The following PRKCE variants were observed in gnomAD, a reference collection of about 807,000 sequenced individuals.
PRKCE encodes the protein protein kinase C epsilon, also known as protein kinase C epsilon type.
Under a neutral mutation model 85.4 loss-of-function variants are expected in PRKCE, and 16 were observed. The ratio of observed to expected loss-of-function variants is 0.19; its 90% CI spans 0.13 to 0.28. The LOEUF is 0.28. Ranked by LOEUF, PRKCE falls within the 10% of genes least tolerant of loss-of-function variation. The probability of loss-of-function intolerance (pLI) is 1.00; values close to 1 mark genes in which losing one functional copy is unlikely to be tolerated. For synonymous variants in PRKCE, 388 were observed against 371.5 expected (o/e 1.04, Z -0.51); for missense variants, 573 against 975.2 (o/e 0.59, Z 5.49).
At chr2:45,920,525 G>A (rs1698173837) in intron 2 of PRKCE, among the ~76,000 whole-genome samples, 3 of 152,190 alleles carry the variant, frequency 2.0e-5, no homozygotes, top group Admixed American at 2.0e-4. Context: ...ACTGCTGAAT[G>A]GATAAATAAA....
chr2:45,743,964 C>A (rs1420621095), intron 1 of PRKCE, among the ~76,000 whole-genome samples: 1 of 148,578 alleles, frequency 6.7e-6, no homozygotes, highest in Non-Finnish European at 1.5e-5. Flanking sequence ...CTCCCGGGAG[C>A]TAAGTAGATT....
At chr2:45,817,925 C>T (rs1047486114) in intron 1 of PRKCE, among the ~76,000 whole-genome samples, 7 of 152,164 alleles carry the variant, frequency 4.6e-5, no homozygotes, top group Admixed American at 2.0e-4. Flanking sequence ...AGCTACAGGC[C>T]GAGTTTCCTC....
rs186877238 is a variant in PRKCE, at chr2:46,001,973, G to C, written c.966+427G>C. Among the ~76,000 whole-genome samples the C allele has an allele frequency of 8.9e-4, 136 of 152,298 alleles. No homozygotes were observed. The highest frequency in any genetic ancestry group is 1.5e-3 in the Non-Finnish European group (104 of 68,026). ...AACTGGAACCACATTCTTTTCTAGGGAGGAAGCCAAGATGATTTGTGATCA... is the reference window on the plus strand; with the variant it reads ...AACTGGAACCACATTCTTTTCTAGGCAGGAAGCCAAGATGATTTGTGATCA... On this transcript the variant is annotated intron_variant, in intron 7 of 14. Transcript: ENST00000306156. This position sits in a 1 kb window ranked among gnomAD's most constrained non-coding sequence, Gnocchi z 4.4.
intron 2 of PRKCE, among the ~76,000 whole-genome samples, chr2:45,948,152 C>T (rs1455870265): frequency 1.3e-5 from 2 of 152,178 alleles, no homozygotes; most frequent in Non-Finnish European, 2.9e-5. Flanking sequence ...GTTCATGTTA[C>T]ATCTTCAAAT....
chr2:46,046,215 C>T (rs1708513453), intron 10 of PRKCE, among the ~76,000 whole-genome samples: 1 of 152,240 alleles, frequency 6.6e-6, no homozygotes, highest in Admixed American at 6.5e-5. Flanking sequence ...GATCAGCTGC[C>T]ATCCTTTGTT....
chr2:46,074,443 A>AC (rs1553338779), intron 10 of PRKCE, among the ~76,000 whole-genome samples: 1 of 151,060 alleles, frequency 6.6e-6, no homozygotes, highest in Admixed American at 6.6e-5. Context: ...AAAAAAAAAA[A>AC]AAAAAGAAAA....
intron 1 of PRKCE, among the ~76,000 whole-genome samples, chr2:45,666,312 T>A (rs145397599): frequency 0.011 from 1,643 of 152,142 alleles, 24 homozygotes; most frequent in African/African-American, 0.037. Flanking sequence ...GTGGGGATCA[T>A]GGCACTAAAT....
chr2:46,162,096 T>G (rs1212173528), intron 14 of PRKCE, among the ~76,000 whole-genome samples: 1 of 152,042 alleles, frequency 6.6e-6, no homozygotes, highest in African/African-American at 2.4e-5. Flanking sequence ...AGGGAGCCCC[T>G]TAAAGCTCTC....
At chr2:45,759,585 C>T (rs116676124) in intron 1 of PRKCE, among the ~76,000 whole-genome samples, 1,846 of 152,292 alleles carry the variant, frequency 0.012, 36 homozygotes, top group African/African-American at 0.042. Flanking sequence ...CAATTAGCGC[C>T]ATCTCCTTAA....
chr2:45,884,580 C>G (rs1695106050), intron 2 of PRKCE, among the ~76,000 whole-genome samples: 1 of 152,138 alleles, frequency 6.6e-6, no homozygotes, highest in South Asian at 2.1e-4. Flanking sequence ...TAAAGGGAGG[C>G]AGCACATGCC....
intron 11 of PRKCE, among the ~76,000 whole-genome samples, chr2:46,117,925 T>C (rs1672938256): frequency 6.6e-6 from 1 of 152,182 alleles, no homozygotes; most frequent in Non-Finnish European, 1.5e-5. Flanking sequence ...TCATCTGAGG[T>C]AACTCCAAGA....
At chr2:45,965,349 A>T (rs780997610) in intron 2 of PRKCE, among the ~76,000 whole-genome samples, 3 of 152,276 alleles carry the variant, frequency 2.0e-5, no homozygotes, top group Admixed American at 6.5e-5. Context: ...TTACAAAATA[A>T]AAGGCACGGC....
At chr2:45,978,688 T>C in intron 3 of PRKCE, 1 of 341,646 alleles carries the variant, frequency 2.9e-6, no homozygotes, top group Non-Finnish European at 5.3e-6. Flanking sequence ...GGGTCGTTTG[T>C]GGCTTTCCAG....
At chr2:45,950,929 T>C (rs1221612079) in intron 2 of PRKCE, among the ~76,000 whole-genome samples, 1 of 152,136 alleles carries the variant, frequency 6.6e-6, no homozygotes, top group Non-Finnish European at 1.5e-5. Flanking sequence ...CTTTGACTTA[T>C]CTCTGCCCAC....
chr2:45,783,227 C>A (rs1295511149), intron 1 of PRKCE, among the ~76,000 whole-genome samples: 2 of 152,158 alleles, frequency 1.3e-5, no homozygotes, highest in African/African-American at 4.8e-5. Flanking sequence ...CTCAAAACTC[C>A]CTTTGTTCCC....
chr2:45,954,080 C>G (rs1169670789), intron 2 of PRKCE, among the ~76,000 whole-genome samples: 3 of 152,200 alleles, frequency 2.0e-5, no homozygotes, highest in Non-Finnish European at 4.4e-5. Context: ...TATAAATCTA[C>G]TGGCCAGTTC....
chr2:45,866,315 T>C (rs1029532604), intron 2 of PRKCE, among the ~76,000 whole-genome samples: 4 of 152,126 alleles, frequency 2.6e-5, no homozygotes. Context: ...TGATTTTTAT[T>C]TATTTATTTT....
At chr2:45,755,705 C>T (rs1683946325) in intron 1 of PRKCE, among the ~76,000 whole-genome samples, 1 of 152,172 alleles carries the variant, frequency 6.6e-6, no homozygotes, top group African/African-American at 2.4e-5. Flanking sequence ...CTCCTAGGGC[C>T]CGGCTCTGTG....
At chr2:46,052,548 A>G (rs1025267835) in intron 10 of PRKCE, among the ~76,000 whole-genome samples, 32 of 152,358 alleles carry the variant, frequency 2.1e-4, no homozygotes, top group Admixed American at 3.3e-4. Flanking sequence ...AAGACACAGT[A>G]TTATTAAAAT....
Sources: allele counts gnomAD v4.1 joint callset (sites outside exome capture counted in the v4.1 genomes callset), GRCh38; gene constraint gnomAD v4.1.1; non-coding constraint Gnocchi (gnomAD v3.1); transcripts MANE v1.5; gene names NCBI Gene and HGNC (gene_info 2026-07-23, HGNC 2026-07-21).